The following FARP1 variants were observed in gnomAD, a reference collection of about 807,000 sequenced individuals.
FARP1 encodes the protein FERM, ARH/RhoGEF and pleckstrin domain protein 1.
In FARP1, 52 loss-of-function variants were observed where a neutral mutation model predicts 128.8. The ratio of observed to expected loss-of-function variants is 0.40; its 90% confidence interval spans 0.32 to 0.51. The LOEUF is 0.51. Ranked by LOEUF, FARP1 falls within the 20% of genes least tolerant of loss-of-function variation. FARP1 has a pLI of 0.45. For synonymous variants in FARP1, 580 were observed against 551.8 expected, an observed-to-expected ratio of 1.05 and a Z score of -0.72; for missense variants, 1,333 against 1,367.9, an observed-to-expected ratio of 0.97 and a Z score of 0.40.
chr13:98,386,665 T>G (rs144876489), intron 8 of FARP1, among the ~76,000 whole-genome samples: 1 of 152,324 alleles, frequency 6.6e-6, no homozygotes, highest in East Asian at 1.9e-4. Context: ...GCTTTTAGTT[T>G]CAAAGGGATA....
chr13:98,239,781 C>T (rs1882655430), intron 2 of FARP1, among the ~76,000 whole-genome samples: 1 of 152,016 alleles, frequency 6.6e-6, no homozygotes, highest in African/African-American at 2.4e-5. Context: ...GGTGAGACTT[C>T]TGGGGAGCAG....
rs1179105772 is a variant in FARP1, at chr13:98,286,535, G to A, written c.172-57227G>A. Among the ~76,000 whole-genome samples, 3 of 152,128 alleles carry A rather than the reference G, an allele frequency of 2.0e-5. 1 individual carries two copies. In the East Asian group the frequency reaches 5.8e-4, roughly 29 times the overall value. ...TTTGCTTCTCTCTCTTCTCTTGTCT[G>A]CCGCCATGTGAGACATACCTTTCAC... On this transcript the variant is annotated intron_variant, in intron 2 of 26. Coordinates refer to ENST00000319562, the MANE Select transcript of FARP1 (RefSeq NM_005766.4).
chr13:98,359,750 G>A (rs1480976260), intron 3 of FARP1, among the ~76,000 whole-genome samples: 1 of 152,224 alleles, frequency 6.6e-6, no homozygotes, highest in Non-Finnish European at 1.5e-5. Context: ...ACAGCAGTAG[G>A]CTGTACCTGG....
chr13:98,174,981 C>T (rs1459825981), intron 1 of FARP1, among the ~76,000 whole-genome samples: 3 of 152,030 alleles, frequency 2.0e-5, no homozygotes, highest in African/African-American at 4.8e-5. Context: ...GTGGGTGGGT[C>T]GATGGGTGTG....
chr13:98,244,741 A>G (rs201422274), intron 2 of FARP1: 21 of 1,603,796 alleles, frequency 1.3e-5, no homozygotes, highest in Admixed American at 6.7e-5. Flanking sequence ...TCATTATTTC[A>G]TTCAAAGAAA....
chr13:98,234,966 C>T (rs1452381946), intron 2 of FARP1, among the ~76,000 whole-genome samples: 1 of 152,150 alleles, frequency 6.6e-6, no homozygotes, highest in Non-Finnish European at 1.5e-5. Flanking sequence ...TCTTTTAATT[C>T]CAGTGATATC....
chr13:98,234,844 C>T (rs1446947873), intron 2 of FARP1: 1 of 152,202 alleles, frequency 6.6e-6, no homozygotes, highest in African/African-American at 2.4e-5. Context: ...CCAAGCCCAT[C>T]TTTCCACATA....
At chr13:98,371,549 A>G (rs1465835357) in intron 5 of FARP1, among the ~76,000 whole-genome samples, 1 of 146,722 alleles carries the variant, frequency 6.8e-6, no homozygotes, top group African/African-American at 2.4e-5. Flanking sequence ...AATTGATCTG[A>G]AATTCCTACT....
At chr13:98,325,526 G>A (rs1887193157) in intron 2 of FARP1, among the ~76,000 whole-genome samples, 1 of 152,204 alleles carries the variant, frequency 6.6e-6, no homozygotes, top group Non-Finnish European at 1.5e-5. Context: ...CAATGGTAAT[G>A]TCTGGGTTGA....
At chr13:98,210,298 G>A (rs1880599931) in intron 1 of FARP1, among the ~76,000 whole-genome samples, 1 of 151,832 alleles carries the variant, frequency 6.6e-6, no homozygotes, top group Non-Finnish European at 1.5e-5. Flanking sequence ...CTCACCATTG[G>A]GCCTGATGGT....
intron 16 of FARP1, among the ~76,000 whole-genome samples, chr13:98,422,727 C>T (rs1424514228): frequency 2.0e-5 from 3 of 152,140 alleles, no homozygotes; most frequent in African/African-American, 7.2e-5. Context: ...TGTGCATCCT[C>T]CTTGCCCTCT....
At chr13:98,356,298 A>G (rs1479225826) in intron 3 of FARP1, among the ~76,000 whole-genome samples, 1 of 152,224 alleles carries the variant, frequency 6.6e-6, no homozygotes, top group African/African-American at 2.4e-5. Flanking sequence ...GTGTACTTAC[A>G]CAAACAGGTG....
At chr13:98,382,964 G>C (rs1889947537) in intron 6 of FARP1, among the ~76,000 whole-genome samples, 1 of 152,202 alleles carries the variant, frequency 6.6e-6, no homozygotes, top group Non-Finnish European at 1.5e-5. Flanking sequence ...TGTTGGCCAT[G>C]AGCTCAATGT....
At chr13:98,297,303 A>G (rs962883839) in intron 2 of FARP1, among the ~76,000 whole-genome samples, 2 of 152,198 alleles carry the variant, frequency 1.3e-5, no homozygotes, top group African/African-American at 4.8e-5. Context: ...GCTGCCCATG[A>G]ACTTTTATTA....
chr13:98,291,628 T>G (rs1393957749), intron 2 of FARP1, among the ~76,000 whole-genome samples: 1 of 152,200 alleles, frequency 6.6e-6, no homozygotes, highest in African/African-American at 2.4e-5. Context: ...AACACTGTTC[T>G]GAGCCCCTCA....
chr13:98,388,187 A>G (rs771470783), intron 8 of FARP1, among the ~76,000 whole-genome samples, 196 bp from the exon 9 acceptor site: 1 of 152,136 alleles, frequency 6.6e-6, no homozygotes. Flanking sequence ...CCAAAATCCT[A>G]TAATTAGTGA....
intron 2 of FARP1, among the ~76,000 whole-genome samples, chr13:98,215,957 A>C (rs1881037473): frequency 6.6e-6 from 1 of 151,930 alleles, no homozygotes. Context: ...CACCCAGCCA[A>C]TTTTTGTGTT....
chr13:98,255,418 G>A (rs4001127), intron 2 of FARP1, among the ~76,000 whole-genome samples: 113,080 of 151,992 alleles, frequency 0.74, 44,498 homozygotes, highest in East Asian at 0.89. Flanking sequence ...GGAGAATGGC[G>A]TGAACCCAGG....
At chr13:98,326,178 T>C (rs549407493) in intron 2 of FARP1, among the ~76,000 whole-genome samples, 3 of 152,356 alleles carry the variant, frequency 2.0e-5, no homozygotes, top group Admixed American at 2.0e-4. Context: ...TATAGTGTTT[T>C]GTTTCTGCTT....
Sources: gnomAD v4.1 joint callset for allele counts (sites outside exome capture counted in the v4.1 genomes callset) on GRCh38, gnomAD v4.1.1 for gene constraint, MANE v1.5 for transcripts, NCBI Gene and HGNC (gene_info 2026-07-23, HGNC 2026-07-21) for gene names.